Variants in KIAA1671 observed in about 807,000 individuals in gnomAD.
KIAA1671 encodes uncharacterized protein KIAA1671.
KIAA1671 carries 52 observed loss-of-function variants against 131.2 expected under a neutral mutation model. The ratio of observed to expected loss-of-function variants is 0.40; its 90% CI spans 0.32 to 0.50. KIAA1671 has a LOEUF of 0.50. Among genes scored for constraint, KIAA1671 ranks in the 20% least tolerant of loss-of-function variants. The pLI is 0.73. For synonymous variants in KIAA1671, 1,003 were observed against 961.6 expected (o/e 1.04, Z -0.80); for missense variants, 2,360 against 2,364.2 (o/e 1.00, Z 0.04).
chr22:25,122,662 A>G (rs779154768), intron 6 of KIAA1671, among the ~76,000 whole-genome samples: 1 of 152,140 alleles, frequency 6.6e-6, no homozygotes, highest in Admixed American at 6.5e-5. Context: ...CCTGTCCTGT[A>G]TCAGTAGGAT....
intron 6 of KIAA1671, chr22:25,065,037 C>T (rs1218629897): frequency 6.6e-6 from 1 of 152,250 alleles, no homozygotes; most frequent in Non-Finnish European, 1.5e-5. Flanking sequence ...GATGGTTGAA[C>T]GTCCACAGAA....
At chr22:25,177,327 T>C in intron 8 of KIAA1671, 21 bp from the exon 9 acceptor site, 2 of 1,533,908 alleles carry the variant, frequency 1.3e-6, no homozygotes, top group Non-Finnish European at 1.8e-6. Flanking sequence ...TTTTTCCTCT[T>C]CCTCCCTGCT....
At chr22:25,061,686 A>G (rs1255974293) in intron 6 of KIAA1671, 4 of 152,420 alleles carry the variant, frequency 2.6e-5, no homozygotes, top group Admixed American at 1.3e-4. Context: ...CCTGGATGAC[A>G]GTGTGAGGCA....
intron 6 of KIAA1671, chr22:25,057,338 G>T (rs1927897610): frequency 1.3e-5 from 2 of 152,346 alleles, no homozygotes; most frequent in South Asian, 4.1e-4. Flanking sequence ...CCAAGGCCAC[G>T]CAGGGCCCCC....
At chr22:24,994,171 GGT>G (rs938589145) in intron 1 of KIAA1671, among the ~76,000 whole-genome samples, 2 of 152,126 alleles carry the variant, frequency 1.3e-5, no homozygotes, top group Non-Finnish European at 2.9e-5. Context: ...TTCAAAATGG[GGT>G]GTGTCTCCCC....
At chr22:24,994,966 G>A (rs1448769163) in intron 1 of KIAA1671, among the ~76,000 whole-genome samples, 1 of 151,644 alleles carries the variant, frequency 6.6e-6, no homozygotes, top group Non-Finnish European at 1.5e-5. Flanking sequence ...CTGCTTTCCA[G>A]CCACGTTCCT....
intron 3 of KIAA1671, among the ~76,000 whole-genome samples, chr22:25,030,876 C>T (rs1475334095): frequency 6.6e-6 from 1 of 152,206 alleles, no homozygotes; most frequent in African/African-American, 2.4e-5. Flanking sequence ...GCCCTCCCGG[C>T]CCTGGGAACC....
At chr22:24,992,756 A>C (rs1309131669) in intron 1 of KIAA1671, among the ~76,000 whole-genome samples, 1 of 133,966 alleles carries the variant, frequency 7.5e-6, no homozygotes, top group African/African-American at 2.8e-5. Flanking sequence ...CGGAGGTTGC[A>C]GTGAGCCAAG....
chr22:25,086,446 T>A (rs1403525495), intron 6 of KIAA1671, among the ~76,000 whole-genome samples: 2 of 152,060 alleles, frequency 1.3e-5, no homozygotes, highest in Non-Finnish European at 2.9e-5. Context: ...AGTGAGTGAG[T>A]GCATAAATGA....
At chr22:25,070,231 G>T in intron 6 of KIAA1671, 1 of 399,700 alleles carries the variant, frequency 2.5e-6, no homozygotes, top group Non-Finnish European at 4.5e-6. Flanking sequence ...TGGTCCCCTG[G>T]CCGTGAGCCG....
chr22:25,039,537 C>G lies in KIAA1671; in HGVS notation c.2407C>G (p.Arg803Gly), dbSNP rs1926799028. The change falls in exon 5 of 13, where the codon CGA becomes GGA. Residue 803 changes from arginine to glycine, a missense_variant. Physicochemically the swap from Arg to Gly is moderately radical, Grantham distance 125 (BLOSUM62 -2). This residue lies in a region of KIAA1671 where 1,185 missense variants were observed against 1,126.2 expected (regional missense o/e 1.05). Transcript: ENST00000358431. ...AAGGGCCAGTTTGATTTGGGAAGCT[C>G]GAGGCATGCCTGAGGCTAGTGGACC... ...VQRASLIWEA[R>G]GMPEASGPKF... 1 of 1,551,810 alleles carries G rather than the reference C, an allele frequency of 6.4e-7. No homozygotes were observed. The highest frequency in any genetic ancestry group is 8.7e-7 in the Non-Finnish European group (1 of 1,147,022).
chr22:25,054,201 AGTTT>A, intron 6 of KIAA1671: 1 of 148,408 alleles, frequency 6.7e-6, no homozygotes. Context: ...TAGTGAGCTG[AGTTT>A]TCGCCACTGC....
At chr22:25,076,669 C>A (rs1929125568) in intron 6 of KIAA1671, among the ~76,000 whole-genome samples, 1 of 152,218 alleles carries the variant, frequency 6.6e-6, no homozygotes. Context: ...GATAACCTCG[C>A]CAGACGGTCC....
At chr22:25,131,068 A>G (rs1932420483) in intron 6 of KIAA1671, among the ~76,000 whole-genome samples, 1 of 152,256 alleles carries the variant, frequency 6.6e-6, no homozygotes, top group African/African-American at 2.4e-5. Context: ...AGAAATGAGG[A>G]GACTTTCAAA....
intron 9 of KIAA1671, among the ~76,000 whole-genome samples, chr22:25,179,150 G>C (rs993242188): frequency 6.6e-6 from 1 of 152,192 alleles, no homozygotes; most frequent in African/African-American, 2.4e-5. Flanking sequence ...GACTCACCAC[G>C]AGGACAGGGC....
At chr22:25,044,223 G>A (rs911448528) in intron 5 of KIAA1671, among the ~76,000 whole-genome samples, 6 of 152,226 alleles carry the variant, frequency 3.9e-5, no homozygotes, top group African/African-American at 1.4e-4. Flanking sequence ...TGCCATGCCA[G>A]AGTTAACAGG....
chr22:25,078,440 G>A (rs978234396), intron 6 of KIAA1671, among the ~76,000 whole-genome samples: 91 of 152,258 alleles, frequency 6.0e-4, no homozygotes, highest in African/African-American at 2.2e-3. Flanking sequence ...GAGGCAGAAG[G>A]ATCACCTGAG....
At chr22:25,166,553 C>A (rs963048522) in intron 6 of KIAA1671, among the ~76,000 whole-genome samples, 12 of 152,084 alleles carry the variant, frequency 7.9e-5, no homozygotes, top group African/African-American at 2.7e-4. Context: ...GGGGGATCCC[C>A]CTCTCTCAGG....
At chr22:25,116,499 G>A (rs1353810209) in intron 6 of KIAA1671, among the ~76,000 whole-genome samples, 1 of 151,952 alleles carries the variant, frequency 6.6e-6, no homozygotes, top group East Asian at 1.9e-4. Flanking sequence ...TTGGCTCACT[G>A]CAACCTCCGC....
Sources: allele counts gnomAD v4.1 joint callset (sites outside exome capture counted in the v4.1 genomes callset), GRCh38; gene constraint gnomAD v4.1.1; regional missense constraint gnomAD v4.1.1; transcripts MANE v1.5; gene names NCBI Gene and HGNC (gene_info 2026-07-23, HGNC 2026-07-21).